The following RANBP2 variants were observed in gnomAD, a reference collection of about 807,000 sequenced individuals.
RANBP2 encodes E3 SUMO-protein ligase RanBP2.
A neutral mutation model predicts 303.6 loss-of-function variants in RANBP2; 57 were observed. The observed-to-expected ratio is 0.19, with a 90% CI of 0.15 to 0.23. RANBP2 has a LOEUF of 0.23. Among genes scored for constraint, RANBP2 ranks in the 10% least tolerant of loss-of-function variants. The pLI, the probability that RANBP2 is intolerant of heterozygous loss-of-function variation, is 1.00. For missense variants in RANBP2, 3,138 were observed against 3,780.8 expected (o/e 0.83, Z 4.46); for synonymous variants, 1,167 against 1,301.5 (o/e 0.90, Z 2.23).
At chr2:108,730,955 T>C in intron 3 of RANBP2, 70 bp downstream of exon 3, 1 of 1,500,478 alleles carries the variant, frequency 6.7e-7, no homozygotes, top group Non-Finnish European at 9.2e-7. Context: ...TTTATATAAG[T>C]AAGTCAAATA....
chr2:109,156,966 A>G, the RANBP2 span, among the ~76,000 whole-genome samples: 1 of 152,218 alleles, frequency 6.6e-6, no homozygotes, highest in African/African-American at 2.4e-5. Flanking sequence ...TAAGGTTAAT[A>G]AAGGTTTTTA....
the RANBP2 span, among the ~76,000 whole-genome samples, chr2:109,699,270 T>G: frequency 6.6e-6 from 1 of 152,206 alleles, no homozygotes; most frequent in Non-Finnish European, 1.5e-5. Context: ...GCATTTTCTT[T>G]AGTACTCTGC....
chr2:109,668,248 C>CT, the RANBP2 span, among the ~76,000 whole-genome samples: 2 of 152,184 alleles, frequency 1.3e-5, no homozygotes, highest in Non-Finnish European at 2.9e-5. Context: ...GATTCTCTTA[C>CT]TTTTTTCTGC....
At chr2:109,327,966 G>A in the RANBP2 span, among the ~76,000 whole-genome samples, 1 of 152,164 alleles carries the variant, frequency 6.6e-6, no homozygotes, top group Non-Finnish European at 1.5e-5. Flanking sequence ...TGTGTCAGGC[G>A]ATATCCAGCA....
the RANBP2 span, chr2:108,910,995 C>T: frequency 3.1e-4 from 504 of 1,613,952 alleles, 1 homozygote; most frequent in Non-Finnish European, 3.9e-4. Flanking sequence ...ATGATGAGGA[C>T]GATGGCGATG....
chr2:109,699,797 GCT>G, the RANBP2 span, among the ~76,000 whole-genome samples: 2 of 152,270 alleles, frequency 1.3e-5, no homozygotes, highest in East Asian at 3.9e-4. Flanking sequence ...CAGCTTCTCG[GCT>G]CAGTGAGACC....
chr2:109,593,025 G>A, the RANBP2 span: 1 of 1,477,442 alleles, frequency 6.8e-7, no homozygotes, highest in East Asian at 2.4e-5. Flanking sequence ...AGTACAATAT[G>A]GTATCTATTT....
the RANBP2 span, among the ~76,000 whole-genome samples, chr2:109,278,259 G>T: frequency 6.6e-6 from 1 of 152,146 alleles, no homozygotes; most frequent in Admixed American, 6.5e-5. Flanking sequence ...CTGAGCCCAC[G>T]GTAGGCACTT....
At chr2:108,911,639 G>A in the RANBP2 span, among the ~76,000 whole-genome samples, 107 of 152,298 alleles carry the variant, frequency 7.0e-4, no homozygotes, top group African/African-American at 2.5e-3. Context: ...GGGGGATTTT[G>A]CTCAGTTCCC....
the RANBP2 span, among the ~76,000 whole-genome samples, chr2:109,650,517 A>C: frequency 6.6e-6 from 1 of 152,126 alleles, no homozygotes; most frequent in South Asian, 2.1e-4. Context: ...CTCCTTACCA[A>C]TCTGTCACCA....
At chr2:109,271,268 A>C in the RANBP2 span, among the ~76,000 whole-genome samples, 2,960 of 152,236 alleles carry the variant, frequency 0.019, 83 homozygotes, top group African/African-American at 0.068. Context: ...CTGGCCCTGC[A>C]CCCAGGAGTC....
chr2:109,419,713 A>C, the RANBP2 span: 3 of 1,438,778 alleles, frequency 2.1e-6, no homozygotes, highest in East Asian at 7.5e-5. Flanking sequence ...TGACCTGTCC[A>C]CGTGTGGTTT....
chr2:108,780,915 G>A (rs903897519), intron 25 of RANBP2, among the ~76,000 whole-genome samples: 1 of 152,050 alleles, frequency 6.6e-6, no homozygotes, highest in African/African-American at 2.4e-5. Context: ...CTCCATGTTG[G>A]TCAGGCTGGT....
At chr2:109,033,118 A>T in the RANBP2 span, among the ~76,000 whole-genome samples, 2 of 152,230 alleles carry the variant, frequency 1.3e-5, no homozygotes, top group Non-Finnish European at 2.9e-5. Context: ...ATGTTTGGTC[A>T]TTACTCAGCC....
the RANBP2 span, among the ~76,000 whole-genome samples, chr2:109,370,740 C>A: frequency 7.6e-4 from 116 of 152,256 alleles, 2 homozygotes; most frequent in Non-Finnish European, 1.2e-3. Context: ...CAGTCTCAAC[C>A]CCCCCGAAAG....
At chr2:108,864,187 A>G in the RANBP2 span, among the ~76,000 whole-genome samples, 2 of 152,222 alleles carry the variant, frequency 1.3e-5, no homozygotes, top group Admixed American at 6.5e-5. Context: ...AACATTGCAT[A>G]TGATGGGGGA....
chr2:109,423,858 C>T, the RANBP2 span, among the ~76,000 whole-genome samples: 5 of 152,162 alleles, frequency 3.3e-5, no homozygotes, highest in Admixed American at 6.5e-5. Context: ...CCACCCCTGC[C>T]GCCTGCACCT....
the RANBP2 span, among the ~76,000 whole-genome samples, chr2:109,751,560 T>C: frequency 7.5e-6 from 1 of 132,742 alleles, no homozygotes; most frequent in African/African-American, 2.7e-5. Context: ...TGTCTTAGAA[T>C]TGTGTCTACT....
chr2:108,722,203 G>A (rs1325218032), intron 1 of RANBP2, among the ~76,000 whole-genome samples: 1 of 152,146 alleles, frequency 6.6e-6, no homozygotes, highest in Non-Finnish European at 1.5e-5. Flanking sequence ...AAAGTGGAGT[G>A]GTGGCAGAAT....
Sources: gnomAD v4.1 joint callset for allele counts (sites outside exome capture counted in the v4.1 genomes callset) on GRCh38, gnomAD v4.1.1 for gene constraint, MANE v1.5 for transcripts, NCBI Gene and HGNC (gene_info 2026-07-23, HGNC 2026-07-21) for gene names.